The following SOX6 variants were observed in gnomAD, a reference collection of about 807,000 sequenced individuals.
SOX6 encodes the protein SRY-box transcription factor 6.
SOX6 carries 11 observed loss-of-function variants against 97.8 expected under a neutral mutation model. That is an observed-to-expected ratio of 0.11 (90% CI 0.07 to 0.19). The LOEUF is 0.19. Among genes scored for constraint, SOX6 ranks in the 10% least tolerant of loss-of-function variants. SOX6 has a pLI of 1.00. For missense variants in SOX6, 810 were observed against 1,039.5 expected, an observed-to-expected ratio of 0.78 and a Z score of 3.04; for synonymous variants, 360 against 371.4, an observed-to-expected ratio of 0.97 and a Z score of 0.35.
At chr11:16,620,822 C>T (rs985898440) in intron 3 of SOX6, among the ~76,000 whole-genome samples, 1 of 152,082 alleles carries the variant, frequency 6.6e-6, no homozygotes, top group African/African-American at 2.4e-5. Context: ...AGGTACAGGG[C>T]CTGCTCTTTT....
intron 3 of SOX6, among the ~76,000 whole-genome samples, chr11:16,694,258 T>C (rs1430468379): frequency 6.6e-6 from 1 of 152,210 alleles, no homozygotes; most frequent in Non-Finnish European, 1.5e-5. Context: ...CCAGGCATGG[T>C]AGCTCACATC....
chr11:16,679,162 G>A (rs1362901482), intron 3 of SOX6, among the ~76,000 whole-genome samples: 1 of 152,180 alleles, frequency 6.6e-6, no homozygotes, highest in Non-Finnish European at 1.5e-5. Context: ...CTCCTCAAGT[G>A]GGTCCCTGAC....
At chr11:16,491,525 G>A (rs981691549) in intron 4 of SOX6, among the ~76,000 whole-genome samples, 6 of 151,954 alleles carry the variant, frequency 3.9e-5, no homozygotes, top group Admixed American at 2.0e-4. Flanking sequence ...TGTGGTGTGC[G>A]TGTGTCTGTG....
At chr11:16,326,749 T>G (rs1856105694) in intron 2 of SOX6, among the ~76,000 whole-genome samples, 1 of 152,180 alleles carries the variant, frequency 6.6e-6, no homozygotes, top group Admixed American at 6.6e-5. Flanking sequence ...AACCAATCAT[T>G]TATTATCCTT....
intron 4 of SOX6, among the ~76,000 whole-genome samples, chr11:16,520,860 G>A (rs192414097): frequency 3.2e-4 from 49 of 152,328 alleles, no homozygotes; most frequent in Admixed American, 1.3e-3. Flanking sequence ...CTACGCCCAC[G>A]GAGTCTCGCT....
chr11:16,601,070 T>C (rs1848263244), intron 4 of SOX6, among the ~76,000 whole-genome samples: 1 of 152,166 alleles, frequency 6.6e-6, no homozygotes, highest in African/African-American at 2.4e-5. Context: ...AGGAGAGACA[T>C]ATTTCTTAAG....
intron 4 of SOX6, among the ~76,000 whole-genome samples, chr11:16,519,674 T>C (rs1204010837): frequency 6.6e-6 from 1 of 152,172 alleles, no homozygotes; most frequent in Non-Finnish European, 1.5e-5. Context: ...TGAGTACAGG[T>C]GTCTTTTTGA....
intron 4 of SOX6, among the ~76,000 whole-genome samples, chr11:16,563,180 C>G (rs1411192004): frequency 6.6e-6 from 1 of 150,952 alleles, no homozygotes; most frequent in Admixed American, 6.6e-5. Context: ...CCATTTGAAA[C>G]AAATGAAGGA....
intron 10 of SOX6, among the ~76,000 whole-genome samples, chr11:16,051,692 A>C (rs192317100): frequency 6.6e-6 from 1 of 152,186 alleles, no homozygotes; most frequent in African/African-American, 2.4e-5. Flanking sequence ...GTGTTTACTT[A>C]ATTTTCTCCA....
chr11:16,731,027 A>G (rs188492608), intron 2 of SOX6, among the ~76,000 whole-genome samples: 3 of 152,334 alleles, frequency 2.0e-5, no homozygotes, highest in East Asian at 3.9e-4. Context: ...GGACAGCTAC[A>G]TCCTCCCAAG....
chr11:15,982,673 GA>G (rs566858772), intron 15 of SOX6, among the ~76,000 whole-genome samples: 1,914 of 150,610 alleles, frequency 0.013, 49 homozygotes, highest in African/African-American at 0.044. Flanking sequence ...ATAAACGCAA[GA>G]AAAAAAAAGT....
chr11:15,981,095 G>A (rs2119816878), intron 15 of SOX6, among the ~76,000 whole-genome samples: 1 of 152,140 alleles, frequency 6.6e-6, no homozygotes, highest in African/African-American at 2.4e-5. Flanking sequence ...GCAGGTTCAA[G>A]CTTTGTCTAT....
chr11:16,114,842 C>T (rs1050139469), intron 6 of SOX6, among the ~76,000 whole-genome samples: 7 of 132,518 alleles, frequency 5.3e-5, no homozygotes, highest in Non-Finnish European at 1.1e-4. Context: ...CCAAGCTCTT[C>T]AGATCATGAG....
chr11:16,166,242 T>C (rs958708852), intron 6 of SOX6, among the ~76,000 whole-genome samples: 6 of 152,186 alleles, frequency 3.9e-5, no homozygotes, highest in Non-Finnish European at 7.3e-5. Flanking sequence ...TAACAGCTGA[T>C]TAATCAGCAA....
At chr11:16,732,862 A>C (rs1300107855) in intron 2 of SOX6, among the ~76,000 whole-genome samples, 1 of 152,240 alleles carries the variant, frequency 6.6e-6, no homozygotes, top group Non-Finnish European at 1.5e-5. Context: ...TAATATCCAG[A>C]ATCTGCACAG....
chr11:16,141,751 A>G (rs958424097), intron 6 of SOX6, among the ~76,000 whole-genome samples: 4 of 152,064 alleles, frequency 2.6e-5, no homozygotes, highest in Non-Finnish European at 5.9e-5. Flanking sequence ...GAACCTCACT[A>G]ATTGCTAGCA....
At chr11:16,601,591 C>A (rs1243755724) in intron 4 of SOX6, among the ~76,000 whole-genome samples, 2 of 152,000 alleles carry the variant, frequency 1.3e-5, no homozygotes. Context: ...CCGAACAAAA[C>A]AGAAAAGCAT....
chr11:16,576,589 T>G (rs983518179), intron 4 of SOX6, among the ~76,000 whole-genome samples: 1 of 152,210 alleles, frequency 6.6e-6, no homozygotes. Flanking sequence ...TCCTTTGGAT[T>G]AAAACATTAT....
At chr11:16,020,771 T>C (rs1855034107) in intron 12 of SOX6, among the ~76,000 whole-genome samples, 1 of 152,158 alleles carries the variant, frequency 6.6e-6, no homozygotes, top group African/African-American at 2.4e-5. Context: ...AGAATCGGAC[T>C]TTTGGTTCAT....
Sources: allele counts gnomAD v4.1 joint callset (sites outside exome capture counted in the v4.1 genomes callset), GRCh38; gene constraint gnomAD v4.1.1; transcripts MANE v1.5; gene names NCBI Gene and HGNC (gene_info 2026-07-23, HGNC 2026-07-21).